DYM: variants seen among roughly 807,000 people sequenced by gnomAD.
DYM encodes the protein dymeclin, also known as dyggve-Melchior-Clausen syndrome protein.
In DYM, 78 loss-of-function variants were observed where a neutral mutation model predicts 93.1. The observed-to-expected ratio is 0.84, with a 90% CI of 0.70 to 1.01. The LOEUF is 1.01. DYM is among the 50% of genes least tolerant of loss of function. The pLI is 0.00. For missense variants in DYM, 789 were observed against 845.0 expected, an observed-to-expected ratio of 0.93 and a Z score of 0.82; for synonymous variants, 321 against 319.7, an observed-to-expected ratio of 1.00 and a Z score of -0.04.
intron 6 of DYM, among the ~76,000 whole-genome samples, chr18:49,358,510 A>C (rs1167719469): frequency 6.6e-6 from 1 of 152,226 alleles, no homozygotes; most frequent in African/African-American, 2.4e-5. Context: ...CAGTGAAAGC[A>C]ATTAATTATG....
chr18:49,083,307 C>G lies in DYM; in HGVS notation c.2025+14095G>C, dbSNP rs965369859. 5.9e-5 allele frequency among the ~76,000 whole-genome samples: 9 copies of G among 152,308 alleles called. No homozygotes were observed. The East Asian group carries it at 1.7e-3, about 29-fold the overall frequency. ...TAGTCTACTAATATGGCATATTATACTATTTCAGTTTTGGATATTAAACTA... is the reference window on the plus strand; with the variant it reads ...TAGTCTACTAATATGGCATATTATAGTATTTCAGTTTTGGATATTAAACTA... On this transcript the variant is annotated intron_variant, in intron 17 of 17. Transcript: ENST00000675505.
intron 17 of DYM, among the ~76,000 whole-genome samples, chr18:49,096,035 G>C (rs1002404801): frequency 3.3e-5 from 5 of 151,872 alleles, no homozygotes; most frequent in Admixed American, 6.6e-5. Context: ...ATTTGAAATA[G>C]TTCAAAAAAA....
At chr18:49,323,137 G>A (rs1599418417) in intron 8 of DYM, among the ~76,000 whole-genome samples, 1 of 152,164 alleles carries the variant, frequency 6.6e-6, no homozygotes, top group Admixed American at 6.5e-5. Flanking sequence ...TGTTTTCTGA[G>A]GGGCTCCTTA....
chr18:49,038,912 CTT>C lies in DYM; in HGVS notation c.*5141_*5142del, dbSNP rs1362057946. 6.6e-6 allele frequency among the ~76,000 whole-genome samples: 1 copy of C among 152,024 alleles called. No homozygotes were observed. Among genetic ancestry groups the C allele is most frequent in the East Asian group, 1.9e-4 (1 of 5,202 alleles). On this transcript the variant is annotated 3_prime_UTR_variant, in exon 18 of 18. Coordinates refer to ENST00000675505, the MANE Select transcript of DYM (RefSeq NM_001353214.3). ...AACACTTAAAATTCCCACATAAATCCTTTCATTTTCATACATTTTATTTCTCT... is the reference window on the plus strand; with the variant it reads ...AACACTTAAAATTCCCACATAAATCCTCATTTTCATACATTTTATTTCTCT...
intron 1 of DYM, among the ~76,000 whole-genome samples, chr18:49,454,708 G>A (rs1411542142): frequency 6.6e-6 from 1 of 151,288 alleles, no homozygotes; most frequent in South Asian, 2.1e-4. Flanking sequence ...GACCATCCTG[G>A]CTAACACAGT....
intron 17 of DYM, among the ~76,000 whole-genome samples, chr18:49,089,755 C>A (rs556611926): frequency 6.6e-6 from 1 of 152,306 alleles, no homozygotes; most frequent in East Asian, 1.9e-4. Context: ...TAAGAGAATT[C>A]TCTTGAAATC....
intron 8 of DYM, among the ~76,000 whole-genome samples, chr18:49,287,828 C>CAAAAAAAAAAAAAAAAAA: frequency 1.3e-5 from 1 of 74,978 alleles, no homozygotes; most frequent in Non-Finnish European, 2.6e-5. Context: ...AACTCCGTCT[C>CAAAAAAAAAAAAAAAAAA]AAAAAAAAAA....
At chr18:49,241,904 C>T (rs1187134849) in intron 13 of DYM, among the ~76,000 whole-genome samples, 1 of 152,168 alleles carries the variant, frequency 6.6e-6, no homozygotes, top group Non-Finnish European at 1.5e-5. Context: ...CTTCGACTGT[C>T]GTTAAGTTAA....
At chr18:49,140,409 A>G (rs1268961034) in intron 15 of DYM, among the ~76,000 whole-genome samples, 1 of 152,200 alleles carries the variant, frequency 6.6e-6, no homozygotes, top group Non-Finnish European at 1.5e-5. Flanking sequence ...TGTAAGAGAT[A>G]CTTAAATACA....
chr18:49,153,323 G>C (rs2086026707), intron 15 of DYM, among the ~76,000 whole-genome samples: 1 of 151,976 alleles, frequency 6.6e-6, no homozygotes, highest in Non-Finnish European at 1.5e-5. Context: ...GTGGGGCTTG[G>C]AATCTATTTA....
At chr18:49,386,515 T>C (rs906815748) in intron 3 of DYM, among the ~76,000 whole-genome samples, 3 of 152,084 alleles carry the variant, frequency 2.0e-5, no homozygotes, top group South Asian at 2.1e-4. Flanking sequence ...AGTCTAAGCA[T>C]GAGAAAGCCA....
intron 13 of DYM, among the ~76,000 whole-genome samples, chr18:49,229,262 T>C (rs1014508784): frequency 6.6e-6 from 1 of 152,060 alleles, no homozygotes. Flanking sequence ...CTGTGGTCTA[T>C]AAACAAGTAT....
intron 17 of DYM, among the ~76,000 whole-genome samples, chr18:49,094,397 C>T (rs951974821): frequency 6.6e-6 from 1 of 152,180 alleles, no homozygotes; most frequent in South Asian, 2.1e-4. Flanking sequence ...GACATACTAA[C>T]TTTATTTATT....
intron 17 of DYM, among the ~76,000 whole-genome samples, chr18:49,064,489 A>G (rs2076236509): frequency 6.6e-6 from 1 of 152,206 alleles, no homozygotes; most frequent in Non-Finnish European, 1.5e-5. Flanking sequence ...ACCAGGGTCT[A>G]TGACTTCATA....
chr18:49,436,958 A>C (rs2148528788), intron 1 of DYM, among the ~76,000 whole-genome samples: 1 of 152,334 alleles, frequency 6.6e-6, no homozygotes, highest in South Asian at 2.1e-4. Context: ...CTGAATTTTC[A>C]AAAGAACAAA....
intron 11 of DYM, among the ~76,000 whole-genome samples, chr18:49,270,497 T>C (rs2094667340): frequency 6.6e-6 from 1 of 152,160 alleles, no homozygotes; most frequent in Non-Finnish European, 1.5e-5. Flanking sequence ...AGAGATCTAA[T>C]GTATAATATG....
At chr18:49,131,150 G>A (rs2083348201) in intron 15 of DYM, among the ~76,000 whole-genome samples, 1 of 152,080 alleles carries the variant, frequency 6.6e-6, no homozygotes, top group South Asian at 2.1e-4. Flanking sequence ...CCCGAAACAA[G>A]AAGGAAGAAA....
intron 13 of DYM, among the ~76,000 whole-genome samples, chr18:49,233,512 C>T (rs1458198502): frequency 3.9e-5 from 6 of 152,122 alleles, no homozygotes; most frequent in South Asian, 2.1e-4. Flanking sequence ...TCTCTTCAAT[C>T]TAACCCTATG....
Position 49,044,334 on chromosome 18 carries a change from A to G in DYM, c.2026-130T>C, listed in dbSNP as rs45588531. The G allele has an allele frequency of 0.11, 100,715 of 941,876 alleles. 7,798 individuals carry two copies. Among genetic ancestry groups the G allele is most frequent in the East Asian group, 0.32 (13,152 of 40,990 alleles). The allele number at this position is 941,876 out of a possible 1,614,324, so 58.3% of individuals were successfully genotyped here. A position where few individuals can be genotyped will look rare whatever the true frequency, so the allele number is the denominator to read the frequency against. On this transcript the variant is annotated intron_variant, in intron 17 of 17. Transcript: ENST00000675505. The stretch of plus-strand genomic sequence containing the variant: ...CCTGCCAACTGGTCACAGGGCATGA[A>G]AGCTCTGGGGCTTTAAAATATTTCA...
Sources: gnomAD v4.1 joint callset for allele counts (sites outside exome capture counted in the v4.1 genomes callset) on GRCh38, gnomAD v4.1.1 for gene constraint, MANE v1.5 for transcripts, NCBI Gene and HGNC (gene_info 2026-07-23, HGNC 2026-07-21) for gene names.